MREG: variants seen among roughly 807,000 people sequenced by gnomAD.
The protein encoded by MREG is dilute suppressor protein homolog.
A neutral mutation model predicts 28.5 loss-of-function variants in MREG; 31 were observed. The ratio of observed to expected loss-of-function variants is 1.09; its 90% confidence interval spans 0.82 to 1.47. The LOEUF is 1.47. MREG is among the 40% of genes most tolerant of loss of function. MREG has a pLI of 0.00. For synonymous variants in MREG, 106 were observed against 95.2 expected, an observed-to-expected ratio of 1.11 and a Z score of -0.66; for missense variants, 256 against 257.4, an observed-to-expected ratio of 0.99 and a Z score of 0.04.
chr2:215,957,825 T>C (rs1435873756), intron 2 of MREG, among the ~76,000 whole-genome samples: 1 of 152,084 alleles, frequency 6.6e-6, no homozygotes, highest in Non-Finnish European at 1.5e-5. Context: ...GCTTTAAAAC[T>C]ATTCACAATA....
At chr2:216,006,835 A>G (rs1253651388) in intron 1 of MREG, among the ~76,000 whole-genome samples, 1 of 152,206 alleles carries the variant, frequency 6.6e-6, no homozygotes, top group African/African-American at 2.4e-5. Context: ...ACATGTTGTG[A>G]GCCCTCCCTT....
intron 2 of MREG, among the ~76,000 whole-genome samples, chr2:215,976,534 T>A (rs1289668490): frequency 6.6e-6 from 1 of 152,196 alleles, no homozygotes; most frequent in African/African-American, 2.4e-5. Context: ...AACTTTATAC[T>A]GGAGAGGAAA....
chr2:215,976,838 T>C (rs1173822399), intron 2 of MREG, among the ~76,000 whole-genome samples: 3 of 152,218 alleles, frequency 2.0e-5, no homozygotes, highest in Admixed American at 6.5e-5. Context: ...CTGAGAGCTT[T>C]TGTCACCACC....
chr2:215,977,459 T>C (rs915933781), intron 2 of MREG, among the ~76,000 whole-genome samples: 1 of 152,180 alleles, frequency 6.6e-6, no homozygotes, highest in Non-Finnish European at 1.5e-5. Context: ...CTGTCGATAT[T>C]AGACAGATCA....
At chr2:215,939,348 A>C (rs1043486212), downstream of MREG, 2 of 152,226 alleles carry the variant, frequency 1.3e-5, no homozygotes, top group Non-Finnish European at 2.9e-5. Flanking sequence ...TAATCTTGTG[A>C]CCAGGTGGCG....
intron 2 of MREG, among the ~76,000 whole-genome samples, chr2:215,969,877 C>T (rs554421086): frequency 6.6e-6 from 1 of 151,984 alleles, no homozygotes; most frequent in Non-Finnish European, 1.5e-5. Context: ...TGGGAGTTAG[C>T]GGGTTCAGAG....
chr2:216,012,993 T>C (rs985401720), intron 1 of MREG, among the ~76,000 whole-genome samples: 1 of 152,210 alleles, frequency 6.6e-6, no homozygotes, highest in African/African-American at 2.4e-5. Context: ...TCTTGGCACT[T>C]TGCACAGACA....
At chr2:216,020,977 C>A (rs1271295460) in intron 1 of MREG, among the ~76,000 whole-genome samples, 1 of 152,248 alleles carries the variant, frequency 6.6e-6, no homozygotes, top group Non-Finnish European at 1.5e-5. Context: ...GGACTCTCAT[C>A]TGAGACCGTC....
intron 1 of MREG, among the ~76,000 whole-genome samples, chr2:216,008,989 T>A (rs556118842): frequency 2.0e-5 from 3 of 152,196 alleles, no homozygotes; most frequent in Non-Finnish European, 4.4e-5. Flanking sequence ...CATAGCCCTA[T>A]GAAGCACAGC....
At chr2:215,992,201 A>T (rs917733548) in intron 2 of MREG, among the ~76,000 whole-genome samples, 7 of 152,208 alleles carry the variant, frequency 4.6e-5, no homozygotes, top group Non-Finnish European at 1.5e-5. Context: ...ATCCACCACA[A>T]TCAAGTCAGC....
intron 2 of MREG, among the ~76,000 whole-genome samples, chr2:215,956,877 A>G (rs1043015144): frequency 3.9e-5 from 6 of 152,198 alleles, no homozygotes; most frequent in African/African-American, 1.4e-4. Context: ...AAAGTATAGA[A>G]ATTATACTTC....
rs575691304 is a variant in MREG, at chr2:215,994,443, C to A, written c.255+1863G>T. Among the ~76,000 whole-genome samples, 635 of 151,658 alleles carry A rather than the reference C, an allele frequency of 4.2e-3. 10 individuals are homozygous for A. The highest frequency in any genetic ancestry group is 0.014 in the Middle Eastern group (4 of 292). On this transcript the variant is annotated intron_variant, in intron 2 of 4. Coordinates refer to ENST00000263268, the MANE Select transcript of MREG (RefSeq NM_018000.3). ...GGGGGCCTAGGGGAGGGATGGCATT[C>A]GGAGAAATACCTATTGTAGATGACA...
At chr2:215,998,279 T>C (rs904501066) in intron 1 of MREG, among the ~76,000 whole-genome samples, 2 of 148,156 alleles carry the variant, frequency 1.3e-5, no homozygotes, top group Non-Finnish European at 3.0e-5. Context: ...TACTCCAGTC[T>C]GGGCGACAAG....
At position 215,943,692 on chromosome 2, in the gene MREG, T is replaced by A; in HGVS notation, c.*1171A>T. On this transcript the variant is annotated 3_prime_UTR_variant, in exon 5 of 5. Transcript: ENST00000263268. ...CCGTCTCTACTAAAAATACAAAAAATTAGCCAGGTGTGGTGGCACGCGCCT... is the reference window on the plus strand; with the variant it reads ...CCGTCTCTACTAAAAATACAAAAAAATAGCCAGGTGTGGTGGCACGCGCCT... The A allele has an allele frequency of 5.8e-6, 2 of 343,894 alleles. No individual in the cohort carries two copies. Among genetic ancestry groups the A allele is most frequent in the South Asian group, 4.4e-5 (2 of 45,022 alleles). 21.3% of individuals were successfully genotyped at this position (343,894 alleles called of 1,614,324 possible).
intron 2 of MREG, among the ~76,000 whole-genome samples, chr2:215,951,781 G>A (rs1692493948): frequency 1.3e-5 from 2 of 152,168 alleles, no homozygotes; most frequent in African/African-American, 2.4e-5. Context: ...TCAATGTCCT[G>A]CCACCATCAA....
chr2:215,984,955 T>C (rs1333292852), intron 2 of MREG, among the ~76,000 whole-genome samples: 1 of 152,204 alleles, frequency 6.6e-6, no homozygotes, highest in Non-Finnish European at 1.5e-5. Flanking sequence ...ACAATATCTG[T>C]TCCTTTCTCT....
chr2:215,956,067 A>G (rs542466681), intron 2 of MREG, among the ~76,000 whole-genome samples: 15 of 152,346 alleles, frequency 9.8e-5, no homozygotes, highest in Middle Eastern at 3.4e-3. Context: ...TAACAAATAA[A>G]GCCTGTGAGG....
chr2:216,001,577 T>C (rs1179354650), intron 1 of MREG, among the ~76,000 whole-genome samples: 1 of 152,202 alleles, frequency 6.6e-6, no homozygotes, highest in Non-Finnish European at 1.5e-5. Context: ...TATTCAGTAA[T>C]TGCAAGCTTT....
At chr2:215,960,055 A>T (rs761605046) in intron 2 of MREG, among the ~76,000 whole-genome samples, 11 of 151,566 alleles carry the variant, frequency 7.3e-5, no homozygotes, top group Non-Finnish European at 1.5e-4. Flanking sequence ...TCCTGGGTTC[A>T]TGCTGTTCTC....
Sources: allele counts gnomAD v4.1 joint callset (sites outside exome capture counted in the v4.1 genomes callset), GRCh38; gene constraint gnomAD v4.1.1; transcripts MANE v1.5; gene names NCBI Gene and HGNC (gene_info 2026-07-23, HGNC 2026-07-21).